The following PCDH15 variants were observed in gnomAD, a reference collection of about 807,000 sequenced individuals.
The protein encoded by PCDH15 is protocadherin related 15.
In PCDH15, 129 loss-of-function variants were observed where a neutral mutation model predicts 178.5. The observed-to-expected ratio is 0.72, with a 90% CI of 0.63 to 0.84. The LOEUF is 0.84. PCDH15 is among the 40% of genes least tolerant of loss of function. The probability of loss-of-function intolerance (pLI) is 0.00; values close to 1 mark genes in which losing one functional copy is unlikely to be tolerated. For missense variants in PCDH15, 2,230 were observed against 2,099.9 expected (o/e 1.06, Z -1.21); for synonymous variants, 800 against 732.0 (o/e 1.09, Z -1.50).
chr10:53,809,423 C>T (rs1244636625), intron 37 of PCDH15: 1 of 1,614,000 alleles, frequency 6.2e-7, no homozygotes, highest in Admixed American at 1.7e-5. Context: ...AATATTCTGG[C>T]TCTCTTCCAT....
At chr10:55,604,999 C>G (rs1476167481) in intron 2 of PCDH15, among the ~76,000 whole-genome samples, 3 of 151,980 alleles carry the variant, frequency 2.0e-5, no homozygotes. Flanking sequence ...AGACCACTAG[C>G]AAGACTAATA....
At chr10:53,954,427 G>A (rs546908767) in intron 23 of PCDH15, among the ~76,000 whole-genome samples, 2 of 152,156 alleles carry the variant, frequency 1.3e-5, no homozygotes, top group South Asian at 4.1e-4. Flanking sequence ...AATGGATTTT[G>A]TTTCTCTGTC....
intron 23 of PCDH15, among the ~76,000 whole-genome samples, chr10:53,954,068 G>A (rs907903649): frequency 1.3e-5 from 2 of 152,178 alleles, no homozygotes; most frequent in African/African-American, 4.8e-5. Flanking sequence ...GGGATTACAG[G>A]TGTGAGCAAC....
chr10:53,994,227 C>T (rs181506331), intron 21 of PCDH15, among the ~76,000 whole-genome samples: 15 of 152,260 alleles, frequency 9.9e-5, no homozygotes, highest in Non-Finnish European at 2.1e-4. Context: ...ACTGTCTATA[C>T]GAAGACTTTC....
At chr10:55,100,667 C>T (rs1842556092) in intron 2 of PCDH15, among the ~76,000 whole-genome samples, 1 of 152,002 alleles carries the variant, frequency 6.6e-6, no homozygotes, top group Non-Finnish European at 1.5e-5. Flanking sequence ...AGCTCTCATG[C>T]GAACTAATAA....
At chr10:54,355,144 AAAT>A (rs1285787765) in intron 5 of PCDH15, among the ~76,000 whole-genome samples, 27 of 148,682 alleles carry the variant, frequency 1.8e-4, no homozygotes, top group African/African-American at 5.7e-4. Flanking sequence ...AAAAAAAAAA[AAAT>A]GGCTAAAACC....
intron 1 of PCDH15, among the ~76,000 whole-genome samples, chr10:55,220,425 G>A (rs1318833390): frequency 6.6e-6 from 1 of 151,946 alleles, no homozygotes. Context: ...AAGATATACA[G>A]TCATGTGTCA....
chr10:54,993,217 T>C (rs2131919705), intron 2 of PCDH15, among the ~76,000 whole-genome samples: 1 of 152,240 alleles, frequency 6.6e-6, no homozygotes. Context: ...ATTTTCAGGC[T>C]AAACAAACAA....
intron 32 of PCDH15, among the ~76,000 whole-genome samples, chr10:53,824,311 A>G (rs927658259): frequency 6.6e-6 from 1 of 152,156 alleles, no homozygotes; most frequent in Non-Finnish European, 1.5e-5. Context: ...TGGCTGATTG[A>G]TAGGTGGTTC....
chr10:54,327,535 A>T (rs1938420343), intron 7 of PCDH15, among the ~76,000 whole-genome samples: 1 of 151,406 alleles, frequency 6.6e-6, no homozygotes, highest in African/African-American at 2.4e-5. Context: ...TTAGATCTAT[A>T]TGTCTATCTA....
rs554832584 is a variant in PCDH15, at chr10:55,479,653, A to G, written c.-156+147972T>C. Among the ~76,000 whole-genome samples, 5 of 151,822 alleles carry G rather than the reference A, an allele frequency of 3.3e-5. No homozygotes were observed. In the East Asian group the frequency reaches 9.7e-4, roughly 29 times the overall value. The stretch of plus-strand genomic sequence containing the variant: ...CCACTTTTCTTCAACATAGTACTAG[A>G]TGTCATAGCCTGAGCAATTAGGCAA... On this transcript the variant is annotated intron_variant, in intron 2 of 5. Coordinates refer to the PCDH15 transcript ENST00000613346.
intron 2 of PCDH15, among the ~76,000 whole-genome samples, chr10:55,065,970 A>G (rs1841554412): frequency 6.6e-6 from 1 of 151,974 alleles, no homozygotes; most frequent in Non-Finnish European, 1.5e-5. Context: ...TACAAAGGCC[A>G]CTTTATACAT....
intron 2 of PCDH15, among the ~76,000 whole-genome samples, chr10:55,543,811 C>A (rs1157218287): frequency 6.6e-6 from 1 of 151,592 alleles, no homozygotes; most frequent in African/African-American, 2.4e-5. Context: ...CATCAAATAT[C>A]ATTGTATTTT....
intron 15 of PCDH15, among the ~76,000 whole-genome samples, chr10:54,099,224 G>A (rs1259300956): frequency 6.6e-6 from 1 of 152,086 alleles, no homozygotes; most frequent in Non-Finnish European, 1.5e-5. Flanking sequence ...ACACAGGCTG[G>A]GCGCAGTGGC....
At chr10:54,407,700 G>A (rs1414043219) in intron 3 of PCDH15, among the ~76,000 whole-genome samples, 3 of 152,106 alleles carry the variant, frequency 2.0e-5, no homozygotes, top group Non-Finnish European at 4.4e-5. Context: ...CCAGGAGAAC[G>A]TGCTTCACTA....
intron 1 of PCDH15, among the ~76,000 whole-genome samples, chr10:55,217,814 G>A (rs530518234): frequency 1.3e-5 from 2 of 151,954 alleles, no homozygotes; most frequent in South Asian, 2.1e-4. Flanking sequence ...GGTATTTTAT[G>A]TCTTAATCAA....
intron 8 of PCDH15, among the ~76,000 whole-genome samples, chr10:54,301,513 G>A (rs2060148126): frequency 6.6e-6 from 1 of 152,142 alleles, no homozygotes; most frequent in African/African-American, 2.4e-5. Context: ...AATTAATTAT[G>A]AGAGGGGAGT....
chr10:54,290,711 C>T (rs1012634195), intron 8 of PCDH15, among the ~76,000 whole-genome samples: 1 of 151,954 alleles, frequency 6.6e-6, no homozygotes, highest in African/African-American at 2.4e-5. Context: ...ATCTACCAAA[C>T]AAATGGAAAG....
At chr10:55,349,472 G>C (rs1004559241) in intron 2 of PCDH15, among the ~76,000 whole-genome samples, 1 of 151,922 alleles carries the variant, frequency 6.6e-6, no homozygotes, top group Non-Finnish European at 1.5e-5. Flanking sequence ...ACTGCTTCCT[G>C]GTGCTCTTGT....
Sources: allele counts gnomAD v4.1 joint callset (sites outside exome capture counted in the v4.1 genomes callset), GRCh38; gene constraint gnomAD v4.1.1; transcripts MANE v1.5; gene names NCBI Gene and HGNC (gene_info 2026-07-23, HGNC 2026-07-21).